STK17A: variants seen among roughly 807,000 people sequenced by gnomAD.
STK17A encodes the protein serine/threonine-protein kinase 17A.
In STK17A, 26 loss-of-function variants were observed where a neutral mutation model predicts 43.7. The ratio of observed to expected loss-of-function variants is 0.60; its 90% confidence interval spans 0.44 to 0.83. STK17A has a LOEUF of 0.83. Ranked by LOEUF, STK17A falls within the 40% of genes least tolerant of loss-of-function variation. The pLI, the probability that STK17A is intolerant of heterozygous loss-of-function variation, is 0.00. For missense variants in STK17A, 476 were observed against 511.6 expected (o/e 0.93, Z 0.67); for synonymous variants, 191 against 182.5 (o/e 1.05, Z -0.38).
intron 4 of STK17A, chr7:43,623,277 A>G: frequency 3.2e-6 from 1 of 315,020 alleles, no homozygotes; most frequent in Non-Finnish European, 5.8e-6. Flanking sequence ...GATAGAGACA[A>G]TGCTTAATAA....
intron 1 of STK17A, among the ~76,000 whole-genome samples, chr7:43,588,438 G>A (rs1162281954): frequency 1.3e-5 from 2 of 151,418 alleles, no homozygotes; most frequent in East Asian, 1.9e-4. Flanking sequence ...TTCTTATCAC[G>A]CATGCTAATG....
Position 43,595,986 on chromosome 7 carries a change from G to T in STK17A, c.292G>T (p.Gly98Cys), listed in dbSNP as rs149595482. The T allele has an allele frequency of 6.2e-7, 1 of 1,613,796 alleles. No homozygotes were observed. The highest frequency in any genetic ancestry group is 8.5e-7 in the Non-Finnish European group (1 of 1,179,936). The change falls in exon 2 of 7, where the codon GGC becomes TGC. Residue 98 changes from glycine (G) to cysteine (C), a missense_variant. Physicochemically the swap from Gly to Cys is radical, Grantham distance 159. This residue lies in a region of STK17A where 320 missense variants were observed against 326.3 expected (regional missense o/e 0.98). Coordinates refer to ENST00000319357, the MANE Select transcript of STK17A (RefSeq NM_004760.3). Reference sequence around the variant, plus strand: ...AAAGTTCATGAGAAAAAGAAGAAAAGGCCAAGATTGTCGGATGGAAATAAT... The same window carrying T: ...AAAGTTCATGAGAAAAAGAAGAAAATGCCAAGATTGTCGGATGGAAATAAT... ...AAKFMRKRRK[G>C]QDCRMEIIHE...
At chr7:43,620,824 CAG>C (rs964983349) in intron 4 of STK17A, among the ~76,000 whole-genome samples, 23 of 152,256 alleles carry the variant, frequency 1.5e-4, no homozygotes, top group African/African-American at 5.3e-4. Flanking sequence ...TCATGGACAT[CAG>C]TGTGGAAGTC....
chr7:43,595,322 G>C (rs2082508089), intron 1 of STK17A, among the ~76,000 whole-genome samples: 2 of 132,918 alleles, frequency 1.5e-5, no homozygotes, highest in Non-Finnish European at 3.1e-5. Flanking sequence ...CTGTCATCCA[G>C]TCTGGAGTGC....
chr7:43,583,561 C>T (rs555538917), intron 1 of STK17A, 112 bp downstream of exon 1: 552 of 947,242 alleles, frequency 5.8e-4, no homozygotes, highest in Non-Finnish European at 5.4e-4. Flanking sequence ...TTGCTGCTGC[C>T]GATAACGCGC....
intron 3 of STK17A, among the ~76,000 whole-genome samples, chr7:43,614,002 G>A (rs2083112235): frequency 6.6e-6 from 1 of 152,150 alleles, no homozygotes; most frequent in Non-Finnish European, 1.5e-5. Context: ...AATTAATTTA[G>A]ATGGGATTAT....
At chr7:43,616,090 T>G (rs1019207421) in intron 3 of STK17A, among the ~76,000 whole-genome samples, 1 of 152,222 alleles carries the variant, frequency 6.6e-6, no homozygotes, top group African/African-American at 2.4e-5. Flanking sequence ...AGGGCCTAGC[T>G]CATTAGGCAA....
At chr7:43,614,487 G>A (rs894699265) in intron 3 of STK17A, among the ~76,000 whole-genome samples, 40 of 152,172 alleles carry the variant, frequency 2.6e-4, no homozygotes, top group African/African-American at 8.7e-4. Context: ...ATGTATTTCG[G>A]CTTATTGGAA....
intron 1 of STK17A, 23 bp downstream of exon 1, chr7:43,583,472 G>A (rs753823022): frequency 1.4e-4 from 185 of 1,284,062 alleles, no homozygotes; most frequent in Non-Finnish European, 1.6e-4. Context: ...GGGGCCCGGC[G>A]CGGAACCTTC....
chr7:43,584,572 G>C (rs1416213493), intron 1 of STK17A, among the ~76,000 whole-genome samples: 1 of 152,208 alleles, frequency 6.6e-6, no homozygotes, highest in Non-Finnish European at 1.5e-5. Context: ...ACAGCCTTCA[G>C]CTGGGGTCTT....
chr7:43,587,354 G>T (rs1171691650), intron 1 of STK17A, among the ~76,000 whole-genome samples: 1 of 150,780 alleles, frequency 6.6e-6, no homozygotes, highest in Non-Finnish European at 1.5e-5. Context: ...CAGGGGAAAG[G>T]ATCTGTTAAT....
At chr7:43,614,255 C>T (rs753033700) in intron 3 of STK17A, among the ~76,000 whole-genome samples, 13 of 152,214 alleles carry the variant, frequency 8.5e-5, no homozygotes, top group African/African-American at 1.2e-4. Context: ...CCTACAGCCA[C>T]CATCTATTTA....
intron 3 of STK17A, among the ~76,000 whole-genome samples, chr7:43,615,096 A>G (rs1038991708): frequency 2.0e-5 from 3 of 152,242 alleles, no homozygotes; most frequent in Non-Finnish European, 4.4e-5. Context: ...ATGAATATGT[A>G]TCACTGAACC....
At chr7:43,592,497 G>A (rs751201741) in intron 1 of STK17A, among the ~76,000 whole-genome samples, 5 of 152,080 alleles carry the variant, frequency 3.3e-5, no homozygotes, top group Non-Finnish European at 5.9e-5. Flanking sequence ...TGGGAAGGAA[G>A]AATTACTCAA....
At chr7:43,596,232 G>C (rs931066637) in intron 2 of STK17A, 119 bp downstream of exon 2, 11 of 898,616 alleles carry the variant, frequency 1.2e-5, no homozygotes, top group Non-Finnish European at 1.8e-5. Flanking sequence ...GAATTTTCTA[G>C]ATCATCTTCA....
At position 43,624,760 on chromosome 7, in the gene STK17A, A is replaced by G; in HGVS notation, c.1163A>G (p.Lys388Arg). The stretch of plus-strand genomic sequence containing the variant: ...CAATGCAGACAGTCTGAAAAAGAGA[A>G]AATGGAGCAAAAGGCCATTTCCAAA... ...LGQCRQSEKEKMEQKAISKRF... is the reference protein window; with the variant it reads ...LGQCRQSEKERMEQKAISKRF... The change falls in exon 7 of 7, where the codon AAA (lysine) becomes AGA (arginine). Residue 388 changes from lysine (K) to arginine (R), a missense_variant. This residue lies in a region of STK17A where 110 missense variants were observed against 103.7 expected (regional missense o/e 1.06). Coordinates refer to ENST00000319357, the MANE Select transcript of STK17A (RefSeq NM_004760.3). 6.2e-7 allele frequency: 1 copy of G among 1,613,686 alleles called. No homozygotes were observed. Among genetic ancestry groups the G allele is most frequent in the East Asian group, 2.2e-5 (1 of 44,850 alleles).
At chr7:43,587,403 TCATATAG>T (rs1311010040) in intron 1 of STK17A, among the ~76,000 whole-genome samples, 1 of 151,422 alleles carries the variant, frequency 6.6e-6, no homozygotes, top group African/African-American at 2.4e-5. Flanking sequence ...AGCTTCAGTG[TCATATAG>T]TTAAGTTCCC....
At chr7:43,587,395 C>G (rs1369671249) in intron 1 of STK17A, among the ~76,000 whole-genome samples, 2 of 151,260 alleles carry the variant, frequency 1.3e-5, no homozygotes, top group East Asian at 1.9e-4. Context: ...CATGACCAAG[C>G]TTCAGTGTCA....
At chr7:43,601,559 C>T (rs767223628) in intron 2 of STK17A, among the ~76,000 whole-genome samples, 6 of 152,200 alleles carry the variant, frequency 3.9e-5, no homozygotes, top group African/African-American at 9.7e-5. Flanking sequence ...AAAACCTGCT[C>T]TTCAGCCTTT....
Sources: allele counts gnomAD v4.1 joint callset (sites outside exome capture counted in the v4.1 genomes callset), GRCh38; gene constraint gnomAD v4.1.1; regional missense constraint gnomAD v4.1.1; transcripts MANE v1.5; gene names NCBI Gene and HGNC (gene_info 2026-07-23, HGNC 2026-07-21).